Variants in KCNU1 observed in about 807,000 individuals in gnomAD.
KCNU1 encodes the protein potassium channel subfamily U member 1.
In KCNU1, 93 loss-of-function variants were observed where a neutral mutation model predicts 126.8. The observed-to-expected ratio is 0.73, with a 90% CI of 0.62 to 0.87. The LOEUF is 0.87. Ranked by LOEUF, KCNU1 falls within the 40% of genes least tolerant of loss-of-function variation. The pLI is 0.00. For synonymous variants in KCNU1, 523 were observed against 494.2 expected, an observed-to-expected ratio of 1.06 and a Z score of -0.77; for missense variants, 1,330 against 1,367.1, an observed-to-expected ratio of 0.97 and a Z score of 0.43.
chr8:36,821,872 T>C (rs1444323404), intron 10 of KCNU1, among the ~76,000 whole-genome samples: 3 of 152,154 alleles, frequency 2.0e-5, no homozygotes, highest in Non-Finnish European at 2.9e-5. Flanking sequence ...TTTGACCAAA[T>C]GTAGGCTAAT....
At position 36,808,798 on chromosome 8, in the gene KCNU1, G is replaced by A. The variant is rs771117062; in HGVS notation, c.732+5G>A. On this transcript the variant is annotated splice_donor_5th_base_variant and intron_variant, in intron 7 of 26. Transcript: ENST00000399881. ...GCTGCGGGATTCATTCACCTGGTAA[G>A]CATCTCATCACAATCCCTAGTGGTG... 7 of 1,602,314 alleles carry A rather than the reference G, an allele frequency of 4.4e-6. No homozygotes were observed. Among genetic ancestry groups the A allele is most frequent in the African/African-American group, 1.3e-5 (1 of 74,630 alleles).
chr8:36,925,861 G>A (rs1193822736), intron 24 of KCNU1, among the ~76,000 whole-genome samples: 1 of 152,032 alleles, frequency 6.6e-6, no homozygotes, highest in African/African-American at 2.4e-5. Flanking sequence ...CCTGGCTGAG[G>A]GTTGGTAGGA....
In KCNU1 at chr8:36,871,079, A is replaced by C. The variant is rs1806085573; in HGVS notation, c.2009+6558A>C. Among the ~76,000 whole-genome samples, 4 of 152,196 alleles carry C rather than the reference A, an allele frequency of 2.6e-5. No homozygotes were observed. The South Asian group carries it at 8.3e-4, about 32-fold the overall frequency. On this transcript the variant is annotated intron_variant, in intron 19 of 26. Coordinates refer to ENST00000399881, the MANE Select transcript of KCNU1 (RefSeq NM_001031836.3). Reference sequence around the variant, plus strand: ...TTAATAAATATCTTCATCAGGTCTCAATAGCAAGACCAAAGAAGACAGCAG... The same window carrying C: ...TTAATAAATATCTTCATCAGGTCTCCATAGCAAGACCAAAGAAGACAGCAG...
Position 36,791,324 on chromosome 8 carries a change from A to G in KCNU1, c.315+3899A>G, listed in dbSNP as rs560128495. Among the ~76,000 whole-genome samples, 17 of 152,322 alleles carry G rather than the reference A, an allele frequency of 1.1e-4. No homozygotes were observed. In the East Asian group the frequency reaches 1.5e-3, roughly 14 times the overall value. On this transcript the variant is annotated intron_variant, in intron 2 of 26. Transcript: ENST00000399881. ...GAGATTTTGTGTGGTTGTTAATTAC[A>G]TAACTGACTGTGTTTCTCTATTGCT...
rs1411033795 is a variant in KCNU1, at chr8:36,935,573, T to C, written c.3103T>C (p.Cys1035Arg). 6.2e-7 allele frequency: 1 copy of C among 1,612,990 alleles called. No homozygotes were observed. Among genetic ancestry groups the C allele is most frequent in the Middle Eastern group, 1.7e-4 (1 of 6,044 alleles). ...GCTGCTGCCTTCAGATCTTGTGTTT[T>C]GTGCCATACCCTTCAGCACTGCTTG... ...FKLLPSDLVF[C>R]AIPFSTACYK... The change falls in exon 27 of 27, where the codon TGT (cysteine) becomes CGT (arginine). Residue 1035 changes from cysteine to arginine, a missense_variant. By Grantham distance (180) the Cys-to-Arg change is radical (BLOSUM62 -3). This residue lies in a region of KCNU1 where 1,054 missense variants were observed against 1,053.9 expected (regional missense o/e 1.00). Coordinates refer to ENST00000399881, the MANE Select transcript of KCNU1 (RefSeq NM_001031836.3).
intron 24 of KCNU1, among the ~76,000 whole-genome samples, chr8:36,929,714 G>C (rs554660745): frequency 1.3e-5 from 2 of 152,112 alleles, no homozygotes; most frequent in Admixed American, 1.3e-4. Flanking sequence ...ACGTGCCCCA[G>C]AGGGGACAGG....
chr8:36,857,249 C>A (rs1446221592), intron 18 of KCNU1, among the ~76,000 whole-genome samples: 2 of 152,214 alleles, frequency 1.3e-5, no homozygotes. Flanking sequence ...TTGTTTTCAT[C>A]CTGTGATACC....
At chr8:36,814,924 G>A (rs989285983) in intron 8 of KCNU1, among the ~76,000 whole-genome samples, 2 of 151,960 alleles carry the variant, frequency 1.3e-5, no homozygotes, top group African/African-American at 2.4e-5. Context: ...CCCATCCACG[G>A]TCTCACATCC....
chr8:36,871,570 A>G (rs1177676290), intron 19 of KCNU1, among the ~76,000 whole-genome samples: 1 of 152,208 alleles, frequency 6.6e-6, no homozygotes, highest in Non-Finnish European at 1.5e-5. Flanking sequence ...AAAAGTCAGC[A>G]TCTCTCTTCG....
In KCNU1 at chr8:36,849,905, A is replaced by G. The variant is rs77913798; in HGVS notation, c.1891+4006A>G. On this transcript the variant is annotated intron_variant, in intron 18 of 26. Coordinates refer to ENST00000399881, the MANE Select transcript of KCNU1 (RefSeq NM_001031836.3). ...TCATTATTTGCAGAATCACCACACC[A>G]TTGTCCACGGCAGCTACACCATTTT... Among the ~76,000 whole-genome samples, 696 of 152,260 alleles carry G rather than the reference A, an allele frequency of 4.6e-3. 6 individuals are homozygous for G. The highest frequency in any genetic ancestry group is 0.01 in the Admixed American group (158 of 15,282).
intron 19 of KCNU1, among the ~76,000 whole-genome samples, chr8:36,867,852 CA>C (rs1174657439): frequency 6.6e-6 from 1 of 152,112 alleles, no homozygotes; most frequent in Non-Finnish European, 1.5e-5. Flanking sequence ...TGGATCCAGA[CA>C]ACCTGGTTCA....
chr8:36,791,722 T>G (rs1175781516), intron 2 of KCNU1, among the ~76,000 whole-genome samples: 1 of 152,184 alleles, frequency 6.6e-6, no homozygotes, highest in East Asian at 1.9e-4. Flanking sequence ...TTTTGCTGTT[T>G]TTTGCTCATT....
intron 2 of KCNU1, among the ~76,000 whole-genome samples, chr8:36,799,096 T>C (rs1803209853): frequency 1.3e-5 from 2 of 152,200 alleles, no homozygotes; most frequent in Admixed American, 1.3e-4. Context: ...TGTTCCTCTT[T>C]CTGCCTTTCT....
In KCNU1 at chr8:36,806,351, T is replaced by C; in HGVS notation, c.551T>C (p.Ile184Thr). ...ATCTTTACCATCCCACCAACCTTTA[T>C]TTCTTATTATTTGAAGAGCAATTGG... ...VDIFTIPPTF[I>T]SYYLKSNWLG... Residue 184 changes from isoleucine to threonine, a missense_variant, in exon 5 of 27, where the codon ATT becomes ACT. Ile to Thr is a moderately conservative substitution (Grantham distance 89). Coordinates refer to ENST00000399881, the MANE Select transcript of KCNU1 (RefSeq NM_001031836.3). 1 of 1,607,086 alleles carries C rather than the reference T, an allele frequency of 6.2e-7. No homozygotes were observed. Among genetic ancestry groups the C allele is most frequent in the Non-Finnish European group, 8.5e-7 (1 of 1,175,824 alleles).
At chr8:36,799,925 T>C (rs190788250) in intron 2 of KCNU1, among the ~76,000 whole-genome samples, 23 of 152,226 alleles carry the variant, frequency 1.5e-4, no homozygotes, top group Non-Finnish European at 2.8e-4. Context: ...CTTTCATCAG[T>C]ATCCATTCTG....
chr8:36,796,087 A>G (rs1214785069), intron 2 of KCNU1, among the ~76,000 whole-genome samples: 3 of 152,140 alleles, frequency 2.0e-5, no homozygotes, highest in African/African-American at 4.8e-5. Context: ...ATTTTTATTG[A>G]TGCATAATTC....
intron 18 of KCNU1, among the ~76,000 whole-genome samples, chr8:36,851,587 G>A (rs755648948): frequency 4.6e-5 from 7 of 152,146 alleles, no homozygotes; most frequent in East Asian, 1.9e-4. Context: ...ATTAATACAC[G>A]ATGAACATAT....
intron 18 of KCNU1, among the ~76,000 whole-genome samples, chr8:36,860,368 C>A (rs1017985486): frequency 6.6e-6 from 1 of 152,148 alleles, no homozygotes; most frequent in Non-Finnish European, 1.5e-5. Context: ...TGAGACACTG[C>A]GCCTGGCCCA....
intron 2 of KCNU1, among the ~76,000 whole-genome samples, chr8:36,787,650 ATAT>A (rs1802756306): frequency 2.7e-5 from 4 of 148,364 alleles, no homozygotes; most frequent in Admixed American, 6.7e-5. Flanking sequence ...TAATTAGATT[ATAT>A]TATTATAATA....
Sources: allele counts gnomAD v4.1 joint callset (sites outside exome capture counted in the v4.1 genomes callset), GRCh38; gene constraint gnomAD v4.1.1; regional missense constraint gnomAD v4.1.1; transcripts MANE v1.5; gene names NCBI Gene and HGNC (gene_info 2026-07-23, HGNC 2026-07-21).